GALNT2: variants seen among roughly 807,000 people sequenced by gnomAD.
GALNT2 encodes UDP-GalNAc:polypeptide N-acetylgalactosaminyltransferase 2.
A neutral mutation model predicts 81.4 loss-of-function variants in GALNT2; 31 were observed. The ratio of observed to expected loss-of-function variants is 0.38; its 90% CI spans 0.29 to 0.51. The LOEUF (loss-of-function observed/expected upper bound fraction) is 0.51. GALNT2 is among the 20% of genes least tolerant of loss of function. The probability of loss-of-function intolerance (pLI) is 0.87; values close to 1 mark genes in which losing one functional copy is unlikely to be tolerated. For synonymous variants in GALNT2, 303 were observed against 287.4 expected, an observed-to-expected ratio of 1.05 and a Z score of -0.55; for missense variants, 629 against 765.7, an observed-to-expected ratio of 0.82 and a Z score of 2.11.
intron 2 of GALNT2, among the ~76,000 whole-genome samples, chr1:230,188,452 A>G (rs1663414647): frequency 6.6e-6 from 1 of 152,202 alleles, no homozygotes; most frequent in Non-Finnish European, 1.5e-5. Flanking sequence ...CAGCTGTGCC[A>G]CCAGTCCTGT....
chr1:230,085,712 C>T (rs1254632073), intron 1 of GALNT2, among the ~76,000 whole-genome samples: 1 of 152,228 alleles, frequency 6.6e-6, no homozygotes, highest in Non-Finnish European at 1.5e-5. Flanking sequence ...CCTGTTTAGG[C>T]AAGATGCAGG....
chr1:230,157,593 G>A (rs569518415), intron 1 of GALNT2, among the ~76,000 whole-genome samples: 10 of 152,330 alleles, frequency 6.6e-5, no homozygotes, highest in Non-Finnish European at 1.3e-4. Flanking sequence ...CTGGGGAATG[G>A]ATGAACAAGC....
intron 1 of GALNT2, among the ~76,000 whole-genome samples, chr1:230,156,451 T>G (rs1572029054): frequency 6.6e-6 from 1 of 152,260 alleles, no homozygotes; most frequent in East Asian, 1.9e-4. Flanking sequence ...CATTGGTGAG[T>G]TCACTCAAGA....
At chr1:230,149,442 T>C (rs923646578) in intron 1 of GALNT2, among the ~76,000 whole-genome samples, 1 of 152,152 alleles carries the variant, frequency 6.6e-6, no homozygotes, top group Non-Finnish European at 1.5e-5. Context: ...AGCATCCTAT[T>C]ATTGCAGTGA....
rs886842931 is a variant in GALNT2, at chr1:230,255,418, T to C, written c.1136+74T>C. 3.8e-6 allele frequency: 6 copies of C among 1,593,376 alleles called. No homozygotes were observed. The African/African-American group carries it at 4.0e-5, about 11-fold the overall frequency. Reference sequence around the variant, plus strand: ...GAAAGCAGGACCTGACCTTGGGCTGTTTGAGGACAGATGTCCTTCAGTGGG... The same window carrying C: ...GAAAGCAGGACCTGACCTTGGGCTGCTTGAGGACAGATGTCCTTCAGTGGG... On this transcript the variant is annotated intron_variant, in intron 11 of 15. Coordinates refer to ENST00000366672, the MANE Select transcript of GALNT2 (RefSeq NM_004481.5).
intron 2 of GALNT2, among the ~76,000 whole-genome samples, chr1:230,186,359 G>T (rs1395845510): frequency 6.6e-6 from 1 of 152,166 alleles, no homozygotes; most frequent in Non-Finnish European, 1.5e-5. Context: ...CAGTCAATTT[G>T]TGTGTTAAGT....
intron 13 of GALNT2, 188 bp from the exon 14 acceptor site, chr1:230,265,053 T>C: frequency 1.6e-6 from 1 of 631,086 alleles, no homozygotes; most frequent in Non-Finnish European, 2.8e-6. Flanking sequence ...GTGTTGGAAG[T>C]CCAGAGCCTG....
intron 1 of GALNT2, among the ~76,000 whole-genome samples, chr1:230,072,569 G>T (rs1223474748): frequency 1.3e-5 from 2 of 152,188 alleles, no homozygotes; most frequent in Non-Finnish European, 2.9e-5. Flanking sequence ...GTTGGTTTTT[G>T]TGCTTTTGTC....
intron 1 of GALNT2, among the ~76,000 whole-genome samples, chr1:230,134,888 A>G (rs1382874808): frequency 1.3e-5 from 2 of 152,178 alleles, no homozygotes; most frequent in Non-Finnish European, 2.9e-5. Context: ...TGCTTAGACA[A>G]ATCACTGAGT....
intron 1 of GALNT2, among the ~76,000 whole-genome samples, chr1:230,121,557 C>T (rs193222944): frequency 6.6e-6 from 1 of 152,194 alleles, no homozygotes; most frequent in African/African-American, 2.4e-5. Flanking sequence ...CCAGAATACT[C>T]AAGGCAAGGT....
At chr1:230,148,016 C>T (rs1435688497) in intron 1 of GALNT2, among the ~76,000 whole-genome samples, 1 of 152,206 alleles carries the variant, frequency 6.6e-6, no homozygotes, top group African/African-American at 2.4e-5. Flanking sequence ...TCAGCAACCT[C>T]GAGGATAGTC....
rs769922355 is a variant in GALNT2 at position 230,278,520 on chromosome 1, C to T, written c.1561-783C>T. Reference sequence around the variant, plus strand: ...TGATTCTGGCTTAGTTGGTGGGTAACGGGTATGTGGGTTGAGTTTGGTTGT... The same window carrying T: ...TGATTCTGGCTTAGTTGGTGGGTAATGGGTATGTGGGTTGAGTTTGGTTGT... On this transcript the variant is annotated intron_variant, in intron 15 of 15. Coordinates refer to ENST00000366672, the MANE Select transcript of GALNT2 (RefSeq NM_004481.5). Among the ~76,000 whole-genome samples the T allele has an allele frequency of 9.9e-5, 15 of 151,976 alleles. 1 individual carries two copies. Among genetic ancestry groups the T allele is most frequent in the Admixed American group, 9.2e-4 (14 of 15,242 alleles).
At chr1:230,125,641 A>G (rs1020877130) in intron 1 of GALNT2, among the ~76,000 whole-genome samples, 31 of 152,350 alleles carry the variant, frequency 2.0e-4, no homozygotes, top group African/African-American at 6.0e-4. Flanking sequence ...TTGGTGGGTA[A>G]GAGTGCTGCT....
chr1:230,059,149 A>G (rs1265537550), intron 1 of GALNT2, among the ~76,000 whole-genome samples: 1 of 152,222 alleles, frequency 6.6e-6, no homozygotes, highest in Non-Finnish European at 1.5e-5. Context: ...GAAAGGTTCT[A>G]TTGTGCAAAG....
At chr1:230,063,615 T>C (rs1659099597), upstream of GALNT2, among the ~76,000 whole-genome samples, 1 of 152,194 alleles carries the variant, frequency 6.6e-6, no homozygotes, top group African/African-American at 2.4e-5. Flanking sequence ...TTCTTCTACC[T>C]CTAACATTGT....
intron 11 of GALNT2, among the ~76,000 whole-genome samples, chr1:230,256,445 CAAAA>C (rs35831707): frequency 2.8e-5 from 3 of 108,482 alleles, no homozygotes; most frequent in Non-Finnish European, 3.9e-5. Context: ...GACTCTGTCT[CAAAA>C]AAAAAAAAAA....
chr1:230,232,308 A>G (rs1664889696), intron 3 of GALNT2, among the ~76,000 whole-genome samples: 1 of 152,330 alleles, frequency 6.6e-6, no homozygotes, highest in South Asian at 2.1e-4. Flanking sequence ...AGTTCTCAGC[A>G]AAAATGGATG....
chr1:230,183,466 G>C (rs980525870), intron 2 of GALNT2, among the ~76,000 whole-genome samples: 2 of 151,492 alleles, frequency 1.3e-5, no homozygotes, highest in African/African-American at 4.9e-5. Flanking sequence ...AAATTAGTTG[G>C]TCTTCTTTCA....
chr1:230,108,690 G>A (rs1053981314), intron 1 of GALNT2, among the ~76,000 whole-genome samples: 12 of 152,194 alleles, frequency 7.9e-5, no homozygotes, highest in African/African-American at 2.9e-4. Context: ...TGTGCTCAGA[G>A]CACTTAAACG....
Sources: gnomAD v4.1 joint callset for allele counts (sites outside exome capture counted in the v4.1 genomes callset) on GRCh38, gnomAD v4.1.1 for gene constraint, MANE v1.5 for transcripts, NCBI Gene and HGNC (gene_info 2026-07-23, HGNC 2026-07-21) for gene names.